The following STAG1 variants were observed in gnomAD, a reference collection of about 807,000 sequenced individuals.
STAG1 encodes STAG1 cohesin complex component, also known as cohesin subunit SA-1.
In STAG1, 26 loss-of-function variants were observed where a neutral mutation model predicts 170.9. The ratio of observed to expected loss-of-function variants is 0.15; its 90% confidence interval spans 0.11 to 0.21. The LOEUF is 0.21. Ranked by LOEUF, STAG1 falls within the 10% of genes least tolerant of loss-of-function variation. The probability of loss-of-function intolerance (pLI) is 1.00; values close to 1 mark genes in which losing one functional copy is unlikely to be tolerated. For synonymous variants in STAG1, 514 were observed against 497.7 expected, an observed-to-expected ratio of 1.03 and a Z score of -0.44; for missense variants, 964 against 1,509.5, an observed-to-expected ratio of 0.64 and a Z score of 5.99.
chr3:136,633,962 T>TTAAAAAAAAAAAAAAAAAAAAAAAAA (rs1212800689), intron 1 of STAG1, among the ~76,000 whole-genome samples: 1 of 50,346 alleles, frequency 2.0e-5, no homozygotes, highest in Admixed American at 3.7e-4. Context: ...TGTCTCTACT[T>TTAAAAAAAAAAAAAAAAAAAAAAAAA]AAAAAAAAAA....
At chr3:136,466,819 A>G (rs752632788) in intron 12 of STAG1, among the ~76,000 whole-genome samples, 7 of 152,358 alleles carry the variant, frequency 4.6e-5, no homozygotes, top group Non-Finnish European at 1.0e-4. Flanking sequence ...CAGAAACTGA[A>G]CAAGCCAGAA....
intron 1 of STAG1, among the ~76,000 whole-genome samples, chr3:136,659,227 T>C (rs1941494422): frequency 6.6e-6 from 1 of 152,238 alleles, no homozygotes; most frequent in African/African-American, 2.4e-5. Flanking sequence ...TAAAAGGATT[T>C]TGAAAATTAT....
At position 136,573,744 on chromosome 3, in the gene STAG1, G is replaced by A. The variant is rs909205507; in HGVS notation, c.298-4883C>T. On this transcript the variant is annotated intron_variant, in intron 4 of 33. Transcript: ENST00000383202. ...TCCCAGCACTTTGGGAGGCCGAAGC[G>A]GGCGGATCACGAGGTCAGGAGATGG... is the stretch of plus-strand genomic sequence containing the variant. Among the ~76,000 whole-genome samples the A allele has an allele frequency of 4.6e-5, 7 of 152,146 alleles. No individual in the cohort carries two copies. In the East Asian group the frequency reaches 5.8e-4, roughly 13 times the overall value.
intron 4 of STAG1, among the ~76,000 whole-genome samples, chr3:136,579,556 A>T (rs1167261179): frequency 6.6e-6 from 1 of 152,214 alleles, no homozygotes; most frequent in African/African-American, 2.4e-5. Context: ...GCTAATGGCT[A>T]GAGACAAACC....
chr3:136,614,018 C>T (rs974120179), intron 3 of STAG1, among the ~76,000 whole-genome samples: 7 of 151,870 alleles, frequency 4.6e-5, no homozygotes, highest in Admixed American at 3.3e-4. Context: ...AGTTTGAGAC[C>T]GGCCTGGCCA....
At chr3:136,401,125 A>G (rs2087313246) in intron 21 of STAG1, among the ~76,000 whole-genome samples, 1 of 151,434 alleles carries the variant, frequency 6.6e-6, no homozygotes, top group African/African-American at 2.4e-5. Flanking sequence ...TAAAAAGGAA[A>G]TAACATCTTG....
At chr3:136,674,098 G>C (rs1409245000) in intron 1 of STAG1, among the ~76,000 whole-genome samples, 52 of 118,808 alleles carry the variant, frequency 4.4e-4, no homozygotes, top group Non-Finnish European at 7.8e-4. Flanking sequence ...GAGTGACTCT[G>C]TCTCAAAAAA....
chr3:136,396,218 T>G (rs1162976227), intron 22 of STAG1, among the ~76,000 whole-genome samples: 4 of 144,114 alleles, frequency 2.8e-5, no homozygotes, highest in East Asian at 2.1e-4. Flanking sequence ...AGTTTTTTTT[T>G]TTTTTTTTTT....
chr3:136,561,293 G>T (rs993971594), intron 5 of STAG1, among the ~76,000 whole-genome samples: 1 of 152,142 alleles, frequency 6.6e-6, no homozygotes, highest in African/African-American at 2.4e-5. Flanking sequence ...AGTTAATTGT[G>T]AGTCAGTTAA....
intron 9 of STAG1, among the ~76,000 whole-genome samples, chr3:136,493,116 T>C (rs1377098092): frequency 6.6e-6 from 1 of 152,046 alleles, no homozygotes; most frequent in East Asian, 1.9e-4. Flanking sequence ...CTGAGGGTGG[T>C]AAATGGCTTG....
At chr3:136,633,368 GAGC>G (rs1355257768) in intron 1 of STAG1, among the ~76,000 whole-genome samples, 1 of 152,132 alleles carries the variant, frequency 6.6e-6, no homozygotes, top group Non-Finnish European at 1.5e-5. Flanking sequence ...AGAAAAATAA[GAGC>G]AGAAGGAATT....
intron 19 of STAG1, among the ~76,000 whole-genome samples, 197 bp from the exon 20 acceptor site, chr3:136,421,360 GT>G (rs1328056516): frequency 6.6e-6 from 1 of 152,106 alleles, no homozygotes; most frequent in East Asian, 1.9e-4. Context: ...TTTAAATAAT[GT>G]TGTGATAAAC....
chr3:136,680,960 A>G (rs1333838568), intron 1 of STAG1, among the ~76,000 whole-genome samples: 1 of 148,404 alleles, frequency 6.7e-6, no homozygotes, highest in Non-Finnish European at 1.5e-5. Flanking sequence ...TAGTATTTGC[A>G]TATATCCTAC....
intron 23 of STAG1, among the ~76,000 whole-genome samples, chr3:136,371,203 G>T (rs962253545): frequency 1.3e-5 from 2 of 151,596 alleles, no homozygotes; most frequent in Non-Finnish European, 3.0e-5. Context: ...TTTTGATGTG[G>T]TTGTTTTTTT....
At chr3:136,351,535 T>TC (rs559478294) in intron 28 of STAG1, among the ~76,000 whole-genome samples, 222 of 152,224 alleles carry the variant, frequency 1.5e-3, no homozygotes, top group African/African-American at 5.2e-3. Flanking sequence ...TTGAAAGCAT[T>TC]CCCCAAGCCA....
intron 6 of STAG1, among the ~76,000 whole-genome samples, chr3:136,522,818 G>A (rs1437976186): frequency 1.3e-5 from 2 of 149,694 alleles, no homozygotes; most frequent in East Asian, 4.0e-4. Flanking sequence ...AACATGCAGT[G>A]TTTGGTTTTT....
intron 1 of STAG1, among the ~76,000 whole-genome samples, chr3:136,734,600 C>A (rs182502391): frequency 1.3e-5 from 2 of 152,168 alleles, no homozygotes; most frequent in African/African-American, 4.8e-5. Context: ...AGGGGGCACA[C>A]TGACAGGGAG....
intron 4 of STAG1, among the ~76,000 whole-genome samples, chr3:136,588,715 C>T (rs1010546320): frequency 1.2e-4 from 18 of 152,008 alleles, no homozygotes; most frequent in African/African-American, 4.3e-4. Context: ...ACAACCTCCG[C>T]CTCCCGGGTT....
chr3:136,469,486 G>A (rs1284756979), intron 12 of STAG1, among the ~76,000 whole-genome samples: 2 of 152,152 alleles, frequency 1.3e-5, no homozygotes, highest in Non-Finnish European at 2.9e-5. Context: ...AATAAAAGAC[G>A]ACACAAACAA....
Sources: allele counts gnomAD v4.1 joint callset (sites outside exome capture counted in the v4.1 genomes callset), GRCh38; gene constraint gnomAD v4.1.1; transcripts MANE v1.5; gene names NCBI Gene and HGNC (gene_info 2026-07-23, HGNC 2026-07-21).